The following CCT5 variants were observed in gnomAD, a reference collection of about 807,000 sequenced individuals.
The protein encoded by CCT5 is T-complex protein 1 subunit epsilon.
Under a neutral mutation model 55.0 loss-of-function variants are expected in CCT5, and 6 were observed. The observed-to-expected ratio is 0.11, with a 90% CI of 0.06 to 0.22. The LOEUF (loss-of-function observed/expected upper bound fraction) is 0.22. Ranked by LOEUF, CCT5 falls within the 10% of genes least tolerant of loss-of-function variation. CCT5 has a pLI of 1.00. For synonymous variants in CCT5, 231 were observed against 243.7 expected (o/e 0.95, Z 0.49); for missense variants, 560 against 694.6 (o/e 0.81, Z 2.18).
At position 10,256,050 on chromosome 5, in the gene CCT5, G is replaced by A. The variant is rs777219709; in HGVS notation, c.427G>A (p.Val143Ile). The change falls in exon 4 of 11, where the codon GTT (valine) becomes ATT (isoleucine). Residue 143 changes from valine (V) to isoleucine (I), a missense_variant. Coordinates refer to ENST00000280326, the MANE Select transcript of CCT5 (RefSeq NM_012073.5). ...CGATGGCTATGAGCAGGCTGCTCGTGTTGCTATTGAACACCTGGACAAGAT... is the reference window on the plus strand; with the variant it reads ...CGATGGCTATGAGCAGGCTGCTCGTATTGCTATTGAACACCTGGACAAGAT... ...IADGYEQAAR[V>I]AIEHLDKISD... The A allele has an allele frequency of 4.0e-5, 65 of 1,613,936 alleles. No homozygotes were observed. The highest frequency in any genetic ancestry group is 5.3e-5 in the African/African-American group (4 of 74,928).
intron 4 of CCT5, 29 bp downstream of exon 4, chr5:10,256,182 C>G: frequency 6.3e-7 from 1 of 1,589,822 alleles, no homozygotes; most frequent in Non-Finnish European, 8.6e-7. Flanking sequence ...TATGATTACC[C>G]ATTTGTAGAG....
chr5:10,254,348 G>A (rs564640942), intron 2 of CCT5, 143 bp downstream of exon 2: 1 of 686,004 alleles, frequency 1.5e-6, no homozygotes, highest in Non-Finnish European at 2.6e-6. Flanking sequence ...TGTATTTCAG[G>A]TTTCTTAAAC....
At chr5:10,260,242 A>T (rs1726654850) in intron 6 of CCT5, among the ~76,000 whole-genome samples, 1 of 152,106 alleles carries the variant, frequency 6.6e-6, no homozygotes. Flanking sequence ...TTGCCCTCCT[A>T]ATTGGGAAAA....
At chr5:10,260,760 T>C (rs144853350) in intron 6 of CCT5, 32 bp from the exon 7 acceptor site, 17,078 of 1,611,494 alleles carry the variant, frequency 0.011, 143 homozygotes, top group Non-Finnish European at 0.011. Context: ...ACCCACTTTC[T>C]CTTAATACGA....
rs556659109 is a variant in CCT5 at position 10,254,610 on chromosome 5, T to TG, written c.167-64_167-63insG. On this transcript the variant is annotated intron_variant, in intron 2 of 10. Transcript: ENST00000280326. ...ATAAGAGCTGGGTCAGGAGGTCTTG[T>TG]TTTATAGTTTGTGATATTGGTTGCC... 7.2e-5 allele frequency: 103 copies of TG among 1,427,342 alleles called. No individual in the cohort carries two copies. The African/African-American group carries it at 1.4e-3, about 19-fold the overall frequency. 88.4% of individuals were successfully genotyped at this position (1,427,342 alleles called of 1,614,324 possible). A position where few individuals can be genotyped will look rare whatever the true frequency, so the allele number is the denominator to read the frequency against.
chr5:10,251,484 T>C, intron 1 of CCT5, among the ~76,000 whole-genome samples: 1 of 152,136 alleles, frequency 6.6e-6, no homozygotes, highest in Non-Finnish European at 1.5e-5. Context: ...AGTGAATTCA[T>C]AATAGACCAT....
At position 10,254,004 on chromosome 5, in the gene CCT5, AC is replaced by A. The variant is rs373300284; in HGVS notation, c.106-139del. On this transcript the variant is annotated intron_variant, in intron 1 of 10. Coordinates refer to ENST00000280326, the MANE Select transcript of CCT5 (RefSeq NM_012073.5). ...GAGTCGTAAATGTTATAATACTTAA[AC>A]CTGTCTGTTGCCCCTTAAATGTAGA... The A allele has an allele frequency of 2.0e-4, 136 of 677,342 alleles. 1 individual carries two copies. In the East Asian group the frequency reaches 2.8e-3, roughly 14 times the overall value. 42.0% of individuals were successfully genotyped at this position (677,342 alleles called of 1,614,324 possible).
chr5:10,254,300 A>C, intron 2 of CCT5, 95 bp downstream of exon 2: 1 of 921,356 alleles, frequency 1.1e-6, no homozygotes, highest in East Asian at 2.6e-5. Flanking sequence ...TATTGAGGGG[A>C]GGCATCTTAC....
chr5:10,265,585 G>C lies in CCT5; in HGVS notation c.*802G>C. 6.6e-6 allele frequency: 1 copy of C among 152,152 alleles called. No homozygotes were observed. The highest frequency in any genetic ancestry group is 1.9e-4 in the East Asian group (1 of 5,194). The allele number at this position is 152,152 out of a possible 1,614,324, so 9.4% of individuals were successfully genotyped here. The stretch of plus-strand genomic sequence containing the variant: ...AAAGTATTAACTAGCTAACAGTGAT[G>C]GGCCAAGACGCTCCGAGAACTCTAC... On this transcript the variant is annotated 3_prime_UTR_variant, in exon 11 of 11. Coordinates refer to ENST00000280326, the MANE Select transcript of CCT5 (RefSeq NM_012073.5).
At chr5:10,256,934 C>T (rs1005817996) in intron 4 of CCT5, among the ~76,000 whole-genome samples, 2 of 152,184 alleles carry the variant, frequency 1.3e-5, no homozygotes, top group East Asian at 3.8e-4. Flanking sequence ...GGCACTAAGA[C>T]ACAGCTCTTC....
upstream of CCT5, chr5:10,250,254 T>C: frequency 6.3e-7 from 1 of 1,598,590 alleles, no homozygotes; most frequent in Non-Finnish European, 8.5e-7. Flanking sequence ...TGCGCAAGCT[T>C]TTGGGCCCTC....
intron 9 of CCT5, 120 bp from the exon 10 acceptor site, chr5:10,263,014 T>C: frequency 1.2e-6 from 1 of 820,242 alleles, no homozygotes; most frequent in Non-Finnish European, 2.1e-6. Flanking sequence ...AAAGACAGCC[T>C]GTTCTTACAA....
chr5:10,258,630 C>G (rs1745799663), intron 6 of CCT5, 95 bp downstream of exon 6: 27 of 1,183,632 alleles, frequency 2.3e-5, no homozygotes, highest in Non-Finnish European at 3.4e-5. Context: ...TTCTTCAGTT[C>G]TAAAACATAC....
intron 1 of CCT5, chr5:10,250,867 C>T (rs970167237): frequency 1.6e-5 from 17 of 1,045,888 alleles, no homozygotes; most frequent in African/African-American, 1.4e-4. Flanking sequence ...CGCAACGGCC[C>T]TTCCGTTTTC....
In CCT5 at chr5:10,261,727, T is replaced by C. The variant is rs377234917; in HGVS notation, c.1161T>C (p.Ile387=). 3.2e-5 allele frequency: 51 copies of C among 1,613,878 alleles called. No homozygotes were observed. In the African/African-American group the frequency reaches 5.6e-4, roughly 18 times the overall value. The change falls in exon 8 of 11, where the codon ATT becomes ATC. Residue 387 remains isoleucine (I), a synonymous_variant. Coordinates refer to ENST00000280326, the MANE Select transcript of CCT5 (RefSeq NM_012073.5). ...CKNSRAVTIF[I]RGGNKMIIEE... ...ACTCCAGAGCTGTAACCATTTTTAT[T>C]AGAGGAGGAAATAAGATGGTGAGAA...
rs1746148965 is a variant in CCT5 at position 10,264,955 on chromosome 5, T to TG, written c.*177dup. 5 of 782,462 alleles carry TG rather than the reference T, an allele frequency of 6.4e-6. No homozygotes were observed. The highest frequency in any genetic ancestry group is 3.5e-5 in the African/African-American group (2 of 57,542). 48.5% of individuals were successfully genotyped at this position (782,462 alleles called of 1,614,324 possible). A position where few individuals can be genotyped will look rare whatever the true frequency, so the allele number is the denominator to read the frequency against. ...TCACTTGTTCAAAGCTGTGTAATCG[T>TG]GGGGGTACCATCTCAACTGCTTTTG... is the stretch of plus-strand genomic sequence containing the variant. On this transcript the variant is annotated 3_prime_UTR_variant, in exon 11 of 11. Coordinates refer to ENST00000280326, the MANE Select transcript of CCT5 (RefSeq NM_012073.5).
chr5:10,256,033 A>G lies in CCT5; in HGVS notation c.410A>G (p.Tyr137Cys), dbSNP rs1327400996. The change falls in exon 4 of 11, where the codon TAT (tyrosine) becomes TGT (cysteine). Residue 137 changes from tyrosine to cysteine, a missense_variant. Physicochemically the swap from Tyr to Cys is radical, Grantham distance 194. Coordinates refer to ENST00000280326, the MANE Select transcript of CCT5 (RefSeq NM_012073.5). ...GIHPIRIADG[Y>C]EQAARVAIEH... ...CACCCAATCAGAATAGCCGATGGCT[A>G]TGAGCAGGCTGCTCGTGTTGCTATT... 1.9e-6 allele frequency: 3 copies of G among 1,614,046 alleles called. No individual in the cohort carries two copies. Among genetic ancestry groups the G allele is most frequent in the Non-Finnish European group, 2.5e-6 (3 of 1,179,974 alleles).
intron 3 of CCT5, among the ~76,000 whole-genome samples, chr5:10,255,391 A>G (rs1186900996): frequency 6.6e-6 from 1 of 152,200 alleles, no homozygotes; most frequent in African/African-American, 2.4e-5. Context: ...AAATCTTTAA[A>G]AAGTTGGGGA....
Position 10,254,735 on chromosome 5 carries a change from C to T in CCT5, c.228C>T (p.Thr76=), listed in dbSNP as rs144956806. 7 of 1,613,134 alleles carry T rather than the reference C, an allele frequency of 4.3e-6. No individual in the cohort carries two copies. The East Asian group carries it at 1.6e-4, about 36-fold the overall frequency. ...GDVTVTNDGA[T]ILSMMDVDHQ... is the part of the protein sequence containing the mutation. Reference sequence around the variant, plus strand: ...TGACTGTAACTAATGATGGGGCCACCATCTTAAGCATGATGGATGTTGATC... The same window carrying T: ...TGACTGTAACTAATGATGGGGCCACTATCTTAAGCATGATGGATGTTGATC... The change falls in exon 3 of 11, where the codon ACC becomes ACT. Residue 76 remains threonine (T), a synonymous_variant. Transcript: ENST00000280326.
Sources: gnomAD v4.1 joint callset for allele counts (sites outside exome capture counted in the v4.1 genomes callset) on GRCh38, gnomAD v4.1.1 for gene constraint, MANE v1.5 for transcripts, NCBI Gene and HGNC (gene_info 2026-07-23, HGNC 2026-07-21) for gene names.